LARP1B: variants seen among roughly 807,000 people sequenced by gnomAD.
LARP1B encodes la-related protein 1B.
A neutral mutation model predicts 114.2 loss-of-function variants in LARP1B; 76 were observed. The observed-to-expected ratio is 0.67, with a 90% CI of 0.55 to 0.81. The LOEUF (loss-of-function observed/expected upper bound fraction) is 0.81. Ranked by LOEUF, LARP1B falls within the 30% of genes least tolerant of loss-of-function variation. The pLI, the probability that LARP1B is intolerant of heterozygous loss-of-function variation, is 0.00. For synonymous variants in LARP1B, 345 were observed against 348.0 expected (o/e 0.99, Z 0.10); for missense variants, 1,014 against 1,075.8 (o/e 0.94, Z 0.80).
chr4:128,069,342 T>G (rs1764293572), intron 1 of LARP1B: 3 of 779,438 alleles, frequency 3.8e-6, no homozygotes, highest in South Asian at 1.3e-5. Flanking sequence ...CTGAAGACTT[T>G]GAGCAAACTT....
rs577416230 is a variant in LARP1B, at chr4:128,093,163, CTTG to C, written c.668+1654_668+1656del. 11 of 318,160 alleles carry C rather than the reference CTTG, an allele frequency of 3.5e-5. No individual in the cohort carries two copies. In the Admixed American group the frequency reaches 3.9e-4, roughly 11 times the overall value. 19.7% of individuals were successfully genotyped at this position (318,160 alleles called of 1,614,324 possible). A position where few individuals can be genotyped will look rare whatever the true frequency, so the allele number is the denominator to read the frequency against. On this transcript the variant is annotated intron_variant, in intron 7 of 19. Transcript: ENST00000326639. Reference sequence around the variant, plus strand: ...TAGTAGAGCACTAGGTTTAGTGTGGCTTGTTATTATTATTACCATTCTTTGATT... The same window carrying C: ...TAGTAGAGCACTAGGTTTAGTGTGGCTTATTATTATTACCATTCTTTGATT...
chr4:128,080,173 G>C (rs550961796), intron 4 of LARP1B, among the ~76,000 whole-genome samples: 1 of 151,610 alleles, frequency 6.6e-6, no homozygotes, highest in South Asian at 2.1e-4. Context: ...TAGTAGAGAC[G>C]GGTTTCTCCA....
At chr4:128,212,828 C>A (rs1265820364), downstream of LARP1B, among the ~76,000 whole-genome samples, 2 of 151,680 alleles carry the variant, frequency 1.3e-5, no homozygotes, top group African/African-American at 2.4e-5. Context: ...TTATCAACAT[C>A]TGCTTCCCTA....
At chr4:128,170,191 T>A (rs1742962060) in intron 12 of LARP1B, among the ~76,000 whole-genome samples, 1 of 152,204 alleles carries the variant, frequency 6.6e-6, no homozygotes, top group African/African-American at 2.4e-5. Context: ...TACATTATTT[T>A]AAAATTTAAA....
At chr4:128,139,011 G>GT (rs1726705031) in intron 11 of LARP1B, among the ~76,000 whole-genome samples, 1 of 151,962 alleles carries the variant, frequency 6.6e-6, no homozygotes, top group East Asian at 1.9e-4. Flanking sequence ...AAATATAGCA[G>GT]TTTTTTAAAA....
At chr4:128,149,408 G>A (rs1420883333) in intron 11 of LARP1B, among the ~76,000 whole-genome samples, 10 of 138,342 alleles carry the variant, frequency 7.2e-5, no homozygotes. Flanking sequence ...CAGAATAGGG[G>A]AGGACAGAAG....
At chr4:128,155,745 G>A in intron 11 of LARP1B, 1 of 1,608,444 alleles carries the variant, frequency 6.2e-7, no homozygotes, top group Non-Finnish European at 8.5e-7. Flanking sequence ...AGCTGGCTGC[G>A]GCCAAGTGTA....
chr4:128,063,849 T>G (rs182267649), intron 1 of LARP1B, among the ~76,000 whole-genome samples: 1 of 152,340 alleles, frequency 6.6e-6, no homozygotes, highest in East Asian at 1.9e-4. Flanking sequence ...ACTTTTTATA[T>G]GCAAATGACA....
At chr4:128,100,626 CA>C (rs1163053398) in intron 8 of LARP1B, among the ~76,000 whole-genome samples, 8 of 152,060 alleles carry the variant, frequency 5.3e-5, no homozygotes, top group African/African-American at 1.9e-4. Context: ...AGCAGTTTTT[CA>C]TGTGCTTTTT....
In LARP1B at chr4:128,095,860, T is replaced by G. The variant is rs571775307; in HGVS notation, c.669-2326T>G. On this transcript the variant is annotated intron_variant, in intron 7 of 19. Coordinates refer to ENST00000326639, the MANE Select transcript of LARP1B (RefSeq NM_018078.4). ...CTGTGATTTGGAAATAGTGTGGGAT[T>G]ATTAAACTGTAGGCCCCATCATCAT... Among the ~76,000 whole-genome samples the G allele has an allele frequency of 4.6e-5, 7 of 152,338 alleles. No individual in the cohort carries two copies. In the East Asian group the frequency reaches 1.3e-3, roughly 29 times the overall value.
chr4:128,103,618 G>A (rs190011891), intron 8 of LARP1B, among the ~76,000 whole-genome samples: 3 of 148,220 alleles, frequency 2.0e-5, no homozygotes, highest in Admixed American at 1.4e-4. Flanking sequence ...GTTGGAGTGC[G>A]GTGGCATGAT....
intron 15 of LARP1B, among the ~76,000 whole-genome samples, chr4:128,197,718 A>G (rs182832769): frequency 3.5e-4 from 54 of 152,238 alleles, no homozygotes; most frequent in Admixed American, 1.6e-3. Context: ...AAAGAAAGAA[A>G]AAAAACCTAT....
chr4:128,210,746 TA>T lies in LARP1B; in HGVS notation c.*694del, dbSNP rs1758835990. ...TATCTCATGATTTCCACAGTTGTTG[TA>T]TTGGTGTGGAGTTTTCTGAATTGGC... On this transcript the variant is annotated 3_prime_UTR_variant, in exon 20 of 20. Transcript: ENST00000326639. 3 of 985,282 alleles carry T rather than the reference TA, an allele frequency of 3.0e-6. No homozygotes were observed. The highest frequency in any genetic ancestry group is 9.4e-5 in the South Asian group (2 of 21,292). 61.0% of individuals were successfully genotyped at this position (985,282 alleles called of 1,614,324 possible).
intron 15 of LARP1B, among the ~76,000 whole-genome samples, chr4:128,181,489 A>G (rs116818138): frequency 6.6e-6 from 1 of 151,804 alleles, no homozygotes; most frequent in African/African-American, 2.4e-5. Flanking sequence ...TGTCTCATCT[A>G]TTCTTCATTC....
rs762263522 is a variant in LARP1B, at chr4:128,149,077, C to T, written c.1525-13117C>T. 3.9e-5 allele frequency among the ~76,000 whole-genome samples: 6 copies of T among 152,168 alleles called. No individual in the cohort carries two copies. In the South Asian group the frequency reaches 8.3e-4, roughly 21 times the overall value. On this transcript the variant is annotated intron_variant, in intron 11 of 19. Transcript: ENST00000326639. ...CATTATCGAAATGTATTCATCCTTT[C>T]GTTAGGTTTTTCTTTCTGTGCATTA...
chr4:128,117,740 G>A (rs536599578), intron 10 of LARP1B, among the ~76,000 whole-genome samples: 15 of 151,882 alleles, frequency 9.9e-5, no homozygotes, highest in African/African-American at 3.4e-4. Flanking sequence ...GGCTGTTCTC[G>A]AACTCCTGAC....
chr4:128,076,730 T>TTG (rs949823898), intron 3 of LARP1B, among the ~76,000 whole-genome samples: 14 of 151,928 alleles, frequency 9.2e-5, no homozygotes, highest in African/African-American at 3.1e-4. Flanking sequence ...ACTCTCTTTT[T>TTG]TGTGTGTGTG....
intron 11 of LARP1B, among the ~76,000 whole-genome samples, chr4:128,135,882 G>A (rs1171144480): frequency 6.6e-6 from 1 of 151,994 alleles, no homozygotes; most frequent in Non-Finnish European, 1.5e-5. Flanking sequence ...CTACTGAATT[G>A]CACACTTTAA....
chr4:128,073,572 GTTTTTTTTTTTTTTTTTTTTT>G (rs568197117), intron 1 of LARP1B, among the ~76,000 whole-genome samples: 128 of 39,990 alleles, frequency 3.2e-3, no homozygotes, highest in African/African-American at 5.3e-3. Flanking sequence ...TATTGTTGTC[GTTTTTTTTTTTTTTTTTTTTT>G]TTTTTTTTTT....
Sources: gnomAD v4.1 joint callset for allele counts (sites outside exome capture counted in the v4.1 genomes callset) on GRCh38, gnomAD v4.1.1 for gene constraint, MANE v1.5 for transcripts, NCBI Gene and HGNC (gene_info 2026-07-23, HGNC 2026-07-21) for gene names.